CRYZL1: variants seen among roughly 807,000 people sequenced by gnomAD.
CRYZL1 encodes the protein ferry endosomal RAB5 effector complex subunit 4.
CRYZL1 carries 34 observed loss-of-function variants against 50.6 expected under a neutral mutation model. The ratio of observed to expected loss-of-function variants is 0.67; its 90% CI spans 0.51 to 0.89. CRYZL1 has a LOEUF of 0.89. Among genes scored for constraint, CRYZL1 ranks in the 40% least tolerant of loss-of-function variants. The pLI, the probability that CRYZL1 is intolerant of heterozygous loss-of-function variation, is 0.00. For missense variants in CRYZL1, 354 were observed against 402.3 expected (o/e 0.88, Z 1.03); for synonymous variants, 125 against 134.3 (o/e 0.93, Z 0.48).
At chr21:33,608,595 G>C (rs1213506388) in intron 6 of CRYZL1, among the ~76,000 whole-genome samples, 1 of 152,132 alleles carries the variant, frequency 6.6e-6, no homozygotes, top group Non-Finnish European at 1.5e-5. Flanking sequence ...GTTTGTTTTA[G>C]ATTCCACATA....
chr21:33,612,535 C>T (rs540188063), intron 6 of CRYZL1, among the ~76,000 whole-genome samples: 1 of 152,288 alleles, frequency 6.6e-6, no homozygotes, highest in East Asian at 1.9e-4. Flanking sequence ...ATGATCTGCT[C>T]GCCTCAGCGT....
chr21:33,631,397 A>C, intron 2 of CRYZL1, 89 bp downstream of exon 2: 1 of 894,098 alleles, frequency 1.1e-6, no homozygotes, highest in Non-Finnish European at 1.6e-6. Flanking sequence ...TTGTTCATTA[A>C]GTCTCACTGA....
rs760021951 is a variant in CRYZL1, at chr21:33,602,255, C to T, written c.556G>A (p.Glu186Lys). ...ACSLEDKQCL[E>K]RFRPPIARVI... Reference sequence around the variant, plus strand: ...CCACCTATGGGAGGTCTGAATCTTTCAAGGCACTGCTTATCTTCAAGGCTG... The same window carrying T: ...CCACCTATGGGAGGTCTGAATCTTTTAAGGCACTGCTTATCTTCAAGGCTG... Residue 186 changes from glutamate to lysine, a missense_variant, in exon 8 of 13, where the codon GAA becomes AAA. Transcript: ENST00000381554. 6.2e-7 allele frequency: 1 copy of T among 1,604,230 alleles called. No individual in the cohort carries two copies. Among genetic ancestry groups the T allele is most frequent in the Non-Finnish European group, 8.5e-7 (1 of 1,170,972 alleles).
At chr21:33,607,618 T>G (rs1378723031) in intron 6 of CRYZL1, among the ~76,000 whole-genome samples, 2 of 151,870 alleles carry the variant, frequency 1.3e-5, no homozygotes, top group Admixed American at 6.6e-5. Context: ...GGCTACAGAG[T>G]AAGACCCTGT....
intron 11 of CRYZL1, chr21:33,595,424 C>T (rs2145917390): frequency 1.5e-6 from 2 of 1,350,284 alleles, no homozygotes; most frequent in Non-Finnish European, 2.0e-6. Flanking sequence ...TCTTAGGGCT[C>T]ATCTCTGTTC....
Position 33,589,435 on chromosome 21 carries a change from G to A in CRYZL1, c.*387C>T, listed in dbSNP as rs886398803. 1.3e-5 allele frequency: 4 copies of A among 299,342 alleles called. No homozygotes were observed. Among genetic ancestry groups the A allele is most frequent in the African/African-American group, 8.7e-5 (4 of 46,114 alleles). 18.5% of individuals were successfully genotyped at this position (299,342 alleles called of 1,614,324 possible). A position where few individuals can be genotyped will look rare whatever the true frequency, so the allele number is the denominator to read the frequency against. Reference sequence around the variant, plus strand: ...AGACTTAAGGAAGGTGTTGAGAACGGAGTTGATACAAAATTAATACGTTAC... The same window carrying A: ...AGACTTAAGGAAGGTGTTGAGAACGAAGTTGATACAAAATTAATACGTTAC... On this transcript the variant is annotated 3_prime_UTR_variant, in exon 13 of 13. Coordinates refer to ENST00000381554, the MANE Select transcript of CRYZL1 (RefSeq NM_145858.3).
chr21:33,634,999 T>C (rs994554404), intron 1 of CRYZL1, among the ~76,000 whole-genome samples: 12 of 151,836 alleles, frequency 7.9e-5, no homozygotes, highest in African/African-American at 2.7e-4. Flanking sequence ...TAATGTTCAG[T>C]TGGTCCAATT....
chr21:33,602,077 C>A (rs531925952), intron 8 of CRYZL1, among the ~76,000 whole-genome samples, 157 bp downstream of exon 8: 1 of 151,276 alleles, frequency 6.6e-6, no homozygotes, highest in African/African-American at 2.4e-5. Flanking sequence ...TGGGCTCAAG[C>A]AATCCTCCCA....
intron 1 of CRYZL1, among the ~76,000 whole-genome samples, chr21:33,636,740 C>T (rs2087210847): frequency 6.6e-6 from 1 of 152,192 alleles, no homozygotes; most frequent in African/African-American, 2.4e-5. Context: ...CAAATGGTTT[C>T]ATCCTTCTTA....
chr21:33,625,158 ATT>A (rs35814819), intron 2 of CRYZL1, among the ~76,000 whole-genome samples: 8 of 143,440 alleles, frequency 5.6e-5, no homozygotes, highest in Admixed American at 7.0e-5. Context: ...ACCTTTACTG[ATT>A]TTTTTTTTTT....
At chr21:33,594,218 A>T (rs1216717397) in intron 11 of CRYZL1, among the ~76,000 whole-genome samples, 1 of 148,610 alleles carries the variant, frequency 6.7e-6, no homozygotes, top group Admixed American at 6.8e-5. Context: ...CAGTGGCGCG[A>T]TCTCAGCTCA....
At chr21:33,638,793 T>C (rs1003602907) in intron 1 of CRYZL1, among the ~76,000 whole-genome samples, 3 of 152,184 alleles carry the variant, frequency 2.0e-5, no homozygotes, top group Non-Finnish European at 4.4e-5. Context: ...GCATTATAAC[T>C]TAAAACTAAA....
chr21:33,631,571 T>C lies in CRYZL1; in HGVS notation c.-6-14A>G. ...TTTCATAGTCACCTAAAAATAAATA[T>C]ATATAAATGAAATAAAATAACAAGT... On this transcript the variant is annotated splice_polypyrimidine_tract_variant and intron_variant, in intron 1 of 12. Coordinates refer to ENST00000381554, the MANE Select transcript of CRYZL1 (RefSeq NM_145858.3). The C allele has an allele frequency of 1.4e-6, 2 of 1,410,570 alleles. No homozygotes were observed. Among genetic ancestry groups the C allele is most frequent in the Non-Finnish European group, 9.4e-7 (1 of 1,067,416 alleles). 87.4% of individuals were successfully genotyped at this position (1,410,570 alleles called of 1,614,324 possible).
intron 11 of CRYZL1, chr21:33,591,543 C>A: frequency 3.1e-6 from 1 of 323,066 alleles, no homozygotes. Flanking sequence ...CTACATATGG[C>A]ATTTTTAGTT....
At chr21:33,612,250 C>T (rs932409200) in intron 6 of CRYZL1, among the ~76,000 whole-genome samples, 1 of 151,882 alleles carries the variant, frequency 6.6e-6, no homozygotes, top group Non-Finnish European at 1.5e-5. Flanking sequence ...ATGAAAGGTT[C>T]CATCATTCCA....
At chr21:33,600,862 C>T (rs538695581) in intron 8 of CRYZL1, among the ~76,000 whole-genome samples, 83 of 149,036 alleles carry the variant, frequency 5.6e-4, no homozygotes, top group African/African-American at 2.0e-3. Context: ...CTCTGGACCT[C>T]ATGATCTGCC....
intron 11 of CRYZL1, chr21:33,595,105 T>G: frequency 1.0e-6 from 1 of 958,024 alleles, no homozygotes; most frequent in Non-Finnish European, 1.3e-6. Context: ...TAAAGAGGTT[T>G]GCACCTTTCT....
intron 8 of CRYZL1, among the ~76,000 whole-genome samples, chr21:33,600,245 TAAAGC>T (rs754934009): frequency 3.9e-5 from 6 of 152,154 alleles, no homozygotes; most frequent in Non-Finnish European, 7.3e-5. Flanking sequence ...AGAAAAATCT[TAAAGC>T]TAAGGAAAAG....
At chr21:33,608,871 A>G (rs2086841049) in intron 6 of CRYZL1, among the ~76,000 whole-genome samples, 1 of 152,230 alleles carries the variant, frequency 6.6e-6, no homozygotes, top group Non-Finnish European at 1.5e-5. Flanking sequence ...AAATATCCAG[A>G]AGGAGGATTA....
Sources: allele counts gnomAD v4.1 joint callset (sites outside exome capture counted in the v4.1 genomes callset), GRCh38; gene constraint gnomAD v4.1.1; transcripts MANE v1.5; gene names NCBI Gene and HGNC (gene_info 2026-07-23, HGNC 2026-07-21).